SRBD1: variants seen among roughly 807,000 people sequenced by gnomAD.
The protein encoded by SRBD1 is S1 RNA binding domain 1.
SRBD1 carries 88 observed loss-of-function variants against 115.3 expected under a neutral mutation model. The observed-to-expected ratio is 0.76, with a 90% CI of 0.64 to 0.91. The LOEUF (loss-of-function observed/expected upper bound fraction) is 0.91. Ranked by LOEUF, SRBD1 falls within the 40% of genes least tolerant of loss-of-function variation. The probability of loss-of-function intolerance (pLI) is 0.00; values close to 1 mark genes in which losing one functional copy is unlikely to be tolerated. For synonymous variants in SRBD1, 509 were observed against 407.7 expected (o/e 1.25, Z -2.99); for missense variants, 1,385 against 1,177.4 (o/e 1.18, Z -2.58).
chr2:45,495,002 G>C (rs1216448817), intron 14 of SRBD1, among the ~76,000 whole-genome samples: 1 of 151,892 alleles, frequency 6.6e-6, no homozygotes, highest in Non-Finnish European at 1.5e-5. Flanking sequence ...TAGTGGTACA[G>C]TTATCACACA....
chr2:45,548,584 C>A (rs1382382917), intron 12 of SRBD1, among the ~76,000 whole-genome samples: 2 of 151,526 alleles, frequency 1.3e-5, no homozygotes, highest in Non-Finnish European at 1.5e-5. Context: ...AACAACACAC[C>A]CAAAAGAAAG....
intron 14 of SRBD1, among the ~76,000 whole-genome samples, chr2:45,505,955 GTTGTTTGTGAATGTCAGTCAA>G (rs1670784520): frequency 6.6e-6 from 1 of 152,142 alleles, no homozygotes; most frequent in Non-Finnish European, 1.5e-5. Flanking sequence ...GCTTTTAAAA[GTTGTTTGTGAATGTCAGTCAA>G]TTATCATTTT....
At chr2:45,586,469 G>C (rs899638156) in intron 4 of SRBD1, among the ~76,000 whole-genome samples, 1 of 152,166 alleles carries the variant, frequency 6.6e-6, no homozygotes, top group Admixed American at 6.5e-5. Flanking sequence ...GAGGGTTAGA[G>C]TTGGAAGACC....
At chr2:45,406,362 C>A (rs554863456) in intron 19 of SRBD1, among the ~76,000 whole-genome samples, 2 of 152,106 alleles carry the variant, frequency 1.3e-5, no homozygotes, top group Admixed American at 6.5e-5. Context: ...TCAGAAGACA[C>A]TGAAACAAGT....
At chr2:45,477,436 C>A (rs552931073) in intron 15 of SRBD1, among the ~76,000 whole-genome samples, 1 of 152,282 alleles carries the variant, frequency 6.6e-6, no homozygotes, top group African/African-American at 2.4e-5. Context: ...ACAGAGGAAG[C>A]AAAACCTTGT....
intron 9 of SRBD1, among the ~76,000 whole-genome samples, chr2:45,565,330 T>G (rs999184756): frequency 2.0e-5 from 3 of 152,138 alleles, no homozygotes; most frequent in African/African-American, 7.2e-5. Flanking sequence ...CTTATACATA[T>G]AGTGTCAACT....
rs751585790 is a variant in SRBD1, at chr2:45,463,024, G to C, written c.2049+13969C>G. ...TAATTGTTGAGAATAACCCGGGGGG[G>C]GGGGGGGAAATCTCTCTTGTCAATA... On this transcript the variant is annotated intron_variant, in intron 16 of 20. Coordinates refer to ENST00000263736, the MANE Select transcript of SRBD1 (RefSeq NM_018079.5). 8.5e-3 allele frequency among the ~76,000 whole-genome samples: 1,169 copies of C among 136,728 alleles called. 24 individuals carry two copies. The highest frequency in any genetic ancestry group is 0.011 in the Non-Finnish European group (743 of 65,402). 89.7% of individuals were successfully genotyped at this position (136,728 alleles called of 152,430 possible). A position where few individuals can be genotyped will look rare whatever the true frequency, so the allele number is the denominator to read the frequency against.
chr2:45,484,164 A>C (rs1670047069), intron 15 of SRBD1, among the ~76,000 whole-genome samples: 1 of 151,930 alleles, frequency 6.6e-6, no homozygotes, highest in African/African-American at 2.4e-5. Context: ...TAATAGTAGA[A>C]GTTTTCATTA....
rs183452777 is a variant in SRBD1 at position 45,442,415 on chromosome 2, T to C, written c.2050-22521A>G. ...TTCATTGTAGTAGGACTCATTTTCCTGCAATATCTCCCGTTCTGGGAGAAT... is the reference window on the plus strand; with the variant it reads ...TTCATTGTAGTAGGACTCATTTTCCCGCAATATCTCCCGTTCTGGGAGAAT... On this transcript the variant is annotated intron_variant, in intron 16 of 20. Coordinates refer to ENST00000263736, the MANE Select transcript of SRBD1 (RefSeq NM_018079.5). 4.9e-3 allele frequency among the ~76,000 whole-genome samples: 748 copies of C among 152,342 alleles called. 5 individuals carry two copies. The highest frequency in any genetic ancestry group is 0.017 in the African/African-American group (703 of 41,584).
chr2:45,490,793 C>T (rs146674464), intron 14 of SRBD1, among the ~76,000 whole-genome samples: 1 of 152,218 alleles, frequency 6.6e-6, no homozygotes, highest in East Asian at 1.9e-4. Flanking sequence ...AAATACCATA[C>T]TGCCATTTCT....
At chr2:45,566,711 T>A (rs553088549) in intron 9 of SRBD1, among the ~76,000 whole-genome samples, 1 of 152,316 alleles carries the variant, frequency 6.6e-6, no homozygotes, top group East Asian at 1.9e-4. Context: ...AACACTCTTT[T>A]CTTAAAGCAC....
At chr2:45,451,682 CT>C (rs71898482) in intron 16 of SRBD1, among the ~76,000 whole-genome samples, 1,962 of 143,828 alleles carry the variant, frequency 0.014, 18 homozygotes, top group African/African-American at 0.036. Context: ...ATCCTCCAAA[CT>C]TTTTTTTTTT....
Position 45,594,112 on chromosome 2 carries a change from A to T in SRBD1, c.648+5337T>A, listed in dbSNP as rs1315892786. Among the ~76,000 whole-genome samples the T allele has an allele frequency of 3.9e-5, 6 of 152,242 alleles. No individual in the cohort carries two copies. In the East Asian group the frequency reaches 1.2e-3, roughly 29 times the overall value. The stretch of plus-strand genomic sequence containing the variant: ...TTCTCTTATTTAATTTCTCCTGGAC[A>T]AATAGGTTAAACCTAATAAGTGGTT... On this transcript the variant is annotated intron_variant, in intron 4 of 20. Coordinates refer to ENST00000263736, the MANE Select transcript of SRBD1 (RefSeq NM_018079.5).
chr2:45,555,764 T>C (rs896255569), intron 10 of SRBD1, among the ~76,000 whole-genome samples: 1 of 152,146 alleles, frequency 6.6e-6, no homozygotes, highest in African/African-American at 2.4e-5. Context: ...AGTGCTGGGA[T>C]TGCAGGCGTG....
chr2:45,471,259 T>A (rs1669640220), intron 16 of SRBD1, among the ~76,000 whole-genome samples: 1 of 152,132 alleles, frequency 6.6e-6, no homozygotes, highest in Non-Finnish European at 1.5e-5. Context: ...CCTGCTTAGT[T>A]TTTTTTCTTC....
intron 14 of SRBD1, among the ~76,000 whole-genome samples, chr2:45,529,847 G>C (rs1485683795): frequency 6.6e-6 from 1 of 151,966 alleles, no homozygotes; most frequent in Admixed American, 6.6e-5. Context: ...CTTCCTCAAA[G>C]CATTTCTCCT....
At chr2:45,586,500 T>G (rs1673526526) in intron 4 of SRBD1, among the ~76,000 whole-genome samples, 1 of 152,204 alleles carries the variant, frequency 6.6e-6, no homozygotes, top group Non-Finnish European at 1.5e-5. Context: ...TTTTGAATTT[T>G]GTATCATGCA....
chr2:45,511,311 T>A (rs182877102), intron 14 of SRBD1, among the ~76,000 whole-genome samples: 1 of 152,344 alleles, frequency 6.6e-6, no homozygotes, highest in Non-Finnish European at 1.5e-5. Flanking sequence ...AGCATAAATA[T>A]GCAGATGTAA....
intron 15 of SRBD1, among the ~76,000 whole-genome samples, chr2:45,483,719 AC>A (rs1670033249): frequency 6.6e-6 from 1 of 152,142 alleles, no homozygotes; most frequent in Non-Finnish European, 1.5e-5. Flanking sequence ...TCAGACAGGA[AC>A]AGAGGAAAAT....
Sources: gnomAD v4.1 joint callset for allele counts (sites outside exome capture counted in the v4.1 genomes callset) on GRCh38, gnomAD v4.1.1 for gene constraint, MANE v1.5 for transcripts, NCBI Gene and HGNC (gene_info 2026-07-23, HGNC 2026-07-21) for gene names.